Variants in FGD5 observed in about 807,000 individuals in gnomAD.
The protein encoded by FGD5 is FYVE, RhoGEF and PH domain-containing protein 5.
FGD5 carries 28 observed loss-of-function variants against 133.4 expected under a neutral mutation model. The ratio of observed to expected loss-of-function variants is 0.21; its 90% CI spans 0.16 to 0.29. The LOEUF (loss-of-function observed/expected upper bound fraction) is 0.29, where lower values mean the gene tolerates loss of function less well. Ranked by LOEUF, FGD5 falls within the 10% of genes least tolerant of loss-of-function variation. FGD5 has a pLI of 1.00. For synonymous variants in FGD5, 810 were observed against 776.5 expected, an observed-to-expected ratio of 1.04 and a Z score of -0.72; for missense variants, 1,858 against 1,895.2, an observed-to-expected ratio of 0.98 and a Z score of 0.36.
intron 2 of FGD5, among the ~76,000 whole-genome samples, chr3:14,875,308 G>A (rs542204433): frequency 6.7e-6 from 1 of 149,242 alleles, no homozygotes; most frequent in Non-Finnish European, 1.5e-5. Context: ...CTTGTGTGTG[G>A]ATGTGGGTTA....
At chr3:14,923,875 G>A (rs1003213599) in intron 16 of FGD5, 133 bp from the exon 17 acceptor site, 2 of 1,119,618 alleles carry the variant, frequency 1.8e-6, no homozygotes, top group African/African-American at 1.6e-5. Flanking sequence ...GGGAGGAAGA[G>A]TGCTTGACTT....
intron 1 of FGD5, among the ~76,000 whole-genome samples, chr3:14,863,296 C>T (rs984280162): frequency 2.6e-5 from 4 of 152,200 alleles, no homozygotes; most frequent in African/African-American, 9.7e-5. Flanking sequence ...GAGAAGGGCA[C>T]AGTCTTTTGT....
chr3:14,849,862 TG>T (rs1258429622), intron 1 of FGD5, among the ~76,000 whole-genome samples: 1 of 152,014 alleles, frequency 6.6e-6, no homozygotes, highest in Non-Finnish European at 1.5e-5. Flanking sequence ...CTAAAAAAAA[TG>T]CTGGCTTCTG....
At chr3:14,856,890 A>T (rs1459977082) in intron 1 of FGD5, among the ~76,000 whole-genome samples, 3 of 152,056 alleles carry the variant, frequency 2.0e-5, no homozygotes, top group Admixed American at 2.0e-4. Context: ...CTCTTGCCTT[A>T]TTGCTCTGGC....
rs373743980 is a variant in FGD5, at chr3:14,900,473, G to A, written c.3205+20G>A. 40 of 1,611,844 alleles carry A rather than the reference G, an allele frequency of 2.5e-5. No individual in the cohort carries two copies. Among genetic ancestry groups the A allele is most frequent in the Non-Finnish European group, 3.0e-5 (35 of 1,179,030 alleles). On this transcript the variant is annotated intron_variant, in intron 8 of 19. Coordinates refer to ENST00000285046, the MANE Select transcript of FGD5 (RefSeq NM_152536.4). ...CACAGGGTGAGTCCAGCGTGAATGC[G>A]GAGGGAGGTACTCAAGCCTGCTCTG...
intron 1 of FGD5, among the ~76,000 whole-genome samples, chr3:14,858,121 T>C (rs1352664343): frequency 6.6e-6 from 1 of 152,124 alleles, no homozygotes; most frequent in Non-Finnish European, 1.5e-5. Context: ...CACTCTGTAC[T>C]CTCTCTGGGC....
chr3:14,834,480 C>T (rs1310060509), intron 1 of FGD5, among the ~76,000 whole-genome samples: 1 of 152,224 alleles, frequency 6.6e-6, no homozygotes, highest in Non-Finnish European at 1.5e-5. Context: ...GCCGTTATTA[C>T]TAACACTATA....
intron 1 of FGD5, among the ~76,000 whole-genome samples, chr3:14,824,808 G>A (rs536073575): frequency 6.6e-6 from 1 of 152,188 alleles, no homozygotes; most frequent in Non-Finnish European, 1.5e-5. Flanking sequence ...ATCAGTTGCC[G>A]TAAATAGAAG....
intron 17 of FGD5, among the ~76,000 whole-genome samples, chr3:14,924,655 G>T (rs2038758963): frequency 6.6e-6 from 1 of 152,132 alleles, no homozygotes; most frequent in Non-Finnish European, 1.5e-5. Flanking sequence ...GAATACACAA[G>T]GAGTCCACAA....
intron 13 of FGD5, among the ~76,000 whole-genome samples, chr3:14,919,549 T>C (rs372939619): frequency 1.2e-4 from 18 of 151,930 alleles, no homozygotes; most frequent in African/African-American, 3.6e-4. Flanking sequence ...ACCGGGGAGG[T>C]GGAGCTTGCA....
intron 1 of FGD5, among the ~76,000 whole-genome samples, chr3:14,827,464 A>G (rs1021606571): frequency 1.3e-5 from 2 of 151,550 alleles, no homozygotes; most frequent in Non-Finnish European, 2.9e-5. Context: ...TGTATTTTTT[A>G]GTAGAGACTG....
intron 11 of FGD5, among the ~76,000 whole-genome samples, chr3:14,912,410 G>C (rs1160350252): frequency 6.6e-6 from 1 of 151,476 alleles, no homozygotes; most frequent in African/African-American, 2.4e-5. Context: ...TTAGCTGCAG[G>C]CAAGAGGAGA....
chr3:14,812,073 C>A (rs112190863), intron 1 of FGD5, among the ~76,000 whole-genome samples: 19 of 150,864 alleles, frequency 1.3e-4, no homozygotes, highest in Non-Finnish European at 2.2e-4. Context: ...TTTTAAAAAT[C>A]TTTTTAATGA....
rs762684385 is a variant in FGD5 at position 14,821,096 on chromosome 3, G to C, written c.2025G>C (p.Val675=). 1 of 1,613,890 alleles carries C rather than the reference G, an allele frequency of 6.2e-7. No homozygotes were observed. The highest frequency in any genetic ancestry group is 2.2e-5 in the East Asian group (1 of 44,888). The change falls in exon 1 of 20, where the codon GTG becomes GTC. Residue 675 remains valine, a synonymous_variant. Transcript: ENST00000285046. The part of the protein sequence containing the change: ...TENKLHVDVN[V]SSSRSSSESS... Reference sequence around the variant, plus strand: ...ACAAATTGCATGTGGATGTGAACGTGTCTTCCTCTAGGTCCTCTTCAGAGT... The same window carrying C: ...ACAAATTGCATGTGGATGTGAACGTCTCTTCCTCTAGGTCCTCTTCAGAGT...
At chr3:14,810,892 C>T in intron 1 of FGD5, 2 of 985,174 alleles carry the variant, frequency 2.0e-6, no homozygotes, top group African/African-American at 1.7e-5. Context: ...CCTCCGGCGC[C>T]GAGGCACGAG....
chr3:14,932,481 C>G, intron 18 of FGD5, 96 bp from the exon 19 acceptor site: 1 of 1,420,366 alleles, frequency 7.0e-7, no homozygotes, highest in South Asian at 1.4e-5. Flanking sequence ...ACACCCCACA[C>G]AGAGGCACTC....
chr3:14,838,764 T>C (rs907463300), intron 1 of FGD5, among the ~76,000 whole-genome samples: 2 of 152,240 alleles, frequency 1.3e-5, no homozygotes, highest in African/African-American at 4.8e-5. Context: ...GGACCAGTTA[T>C]AGACTTCCAG....
chr3:14,916,955 G>A (rs1291860520), intron 11 of FGD5, among the ~76,000 whole-genome samples: 1 of 152,180 alleles, frequency 6.6e-6, no homozygotes, highest in Non-Finnish European at 1.5e-5. Context: ...CCATTCACCT[G>A]CAGATAGACA....
chr3:14,896,018 A>G (rs928100673), intron 4 of FGD5, among the ~76,000 whole-genome samples: 2 of 152,212 alleles, frequency 1.3e-5, no homozygotes, highest in African/African-American at 4.8e-5. Context: ...AAATCAAGAA[A>G]GCAATCCCAT....
Sources: allele counts gnomAD v4.1 joint callset (sites outside exome capture counted in the v4.1 genomes callset), GRCh38; gene constraint gnomAD v4.1.1; transcripts MANE v1.5; gene names NCBI Gene and HGNC (gene_info 2026-07-23, HGNC 2026-07-21).